DIS3L2: variants seen among roughly 807,000 people sequenced by gnomAD.
The protein encoded by DIS3L2 is DIS3-like exonuclease 2.
A neutral mutation model predicts 97.5 loss-of-function variants in DIS3L2; 34 were observed. That is an observed-to-expected ratio of 0.35 (90% CI 0.27 to 0.46). The LOEUF (loss-of-function observed/expected upper bound fraction) is 0.46. Ranked by LOEUF, DIS3L2 falls within the 20% of genes least tolerant of loss-of-function variation. The pLI is 1.00. For missense variants in DIS3L2, 1,038 were observed against 1,146.0 expected (o/e 0.91, Z 1.36); for synonymous variants, 435 against 445.2 (o/e 0.98, Z 0.29).
intron 5 of DIS3L2, among the ~76,000 whole-genome samples, chr2:232,086,598 T>C (rs1696629209): frequency 8.6e-6 from 1 of 116,444 alleles, no homozygotes; most frequent in East Asian, 2.3e-4. Context: ...TATATATATA[T>C]ATATGTGTGT....
intron 12 of DIS3L2, chr2:232,259,695 T>G (rs1559179354): frequency 6.6e-6 from 1 of 152,240 alleles, no homozygotes; most frequent in Non-Finnish European, 1.5e-5. Flanking sequence ...TTCGGCTCGC[T>G]GCAACCAACA....
chr2:232,122,343 A>C (rs934687868), intron 6 of DIS3L2, among the ~76,000 whole-genome samples: 4 of 152,186 alleles, frequency 2.6e-5, no homozygotes, highest in Non-Finnish European at 5.9e-5. Flanking sequence ...AATGTGACCT[A>C]TTTTGTAATG....
intron 4 of DIS3L2, among the ~76,000 whole-genome samples, chr2:232,025,719 C>T (rs1263333986): frequency 6.6e-6 from 1 of 152,096 alleles, no homozygotes; most frequent in Non-Finnish European, 1.5e-5. Flanking sequence ...TGCTCATAAG[C>T]TTAAATTTAC....
chr2:232,191,801 G>C (rs539791717), intron 9 of DIS3L2, among the ~76,000 whole-genome samples: 1 of 152,312 alleles, frequency 6.6e-6, no homozygotes, highest in East Asian at 1.9e-4. Context: ...CCTAGGATAG[G>C]AGTGTTCCCA....
intron 5 of DIS3L2, among the ~76,000 whole-genome samples, chr2:232,057,303 A>G (rs576409198): frequency 6.6e-6 from 1 of 152,312 alleles, no homozygotes; most frequent in Non-Finnish European, 1.5e-5. Flanking sequence ...CTCCTTAAAT[A>G]CACACACCAT....
intron 12 of DIS3L2, among the ~76,000 whole-genome samples, chr2:232,249,939 G>A (rs888585392): frequency 4.6e-5 from 7 of 152,200 alleles, no homozygotes; most frequent in Non-Finnish European, 7.3e-5. Flanking sequence ...CACAGACCAA[G>A]AACAGAGGAG....
chr2:232,138,353 TA>T (rs1698417638), intron 8 of DIS3L2, among the ~76,000 whole-genome samples: 1 of 152,150 alleles, frequency 6.6e-6, no homozygotes, highest in Non-Finnish European at 1.5e-5. Context: ...ATTTTCAAAA[TA>T]AAAAATGAAG....
Position 232,009,991 on chromosome 2 carries a change from G to A in DIS3L2, c.-93-4844G>A, listed in dbSNP as rs949295612. Among the ~76,000 whole-genome samples the A allele has an allele frequency of 3.3e-4, 50 of 152,178 alleles. 1 individual carries two copies. The highest frequency in any genetic ancestry group is 6.5e-5 in the Admixed American group (1 of 15,274). On this transcript the variant is annotated intron_variant, in intron 1 of 20. Coordinates refer to ENST00000325385, the MANE Select transcript of DIS3L2 (RefSeq NM_152383.5). Reference sequence around the variant, plus strand: ...GCTCCCTCTGGCAGTGGAGCTTCCTGTCATCACAGCTTGTCCTACCCTGGT... The same window carrying A: ...GCTCCCTCTGGCAGTGGAGCTTCCTATCATCACAGCTTGTCCTACCCTGGT...
chr2:232,186,698 A>G (rs1243959826), intron 9 of DIS3L2, among the ~76,000 whole-genome samples: 1 of 152,214 alleles, frequency 6.6e-6, no homozygotes, highest in Non-Finnish European at 1.5e-5. Flanking sequence ...TTCTATTGCT[A>G]TTACAGAAGT....
At chr2:232,303,356 T>C (rs1460705238) in intron 14 of DIS3L2, among the ~76,000 whole-genome samples, 1 of 152,204 alleles carries the variant, frequency 6.6e-6, no homozygotes, top group Non-Finnish European at 1.5e-5. Context: ...AATAGTGTTA[T>C]TTAGGAAATG....
At chr2:232,102,132 T>C (rs1697220908) in intron 6 of DIS3L2, among the ~76,000 whole-genome samples, 2 of 152,198 alleles carry the variant, frequency 1.3e-5, no homozygotes, top group African/African-American at 4.8e-5. Flanking sequence ...GAAGCATTCA[T>C]GCTAAAAATG....
intron 12 of DIS3L2, among the ~76,000 whole-genome samples, chr2:232,261,767 G>T (rs571644658): frequency 1.3e-5 from 2 of 152,230 alleles, no homozygotes; most frequent in South Asian, 4.2e-4. Flanking sequence ...CATCCAAGTG[G>T]CATTGGACAT....
intron 14 of DIS3L2, among the ~76,000 whole-genome samples, chr2:232,320,071 C>G (rs929800645): frequency 3.3e-5 from 5 of 150,964 alleles, no homozygotes; most frequent in Non-Finnish European, 7.4e-5. Flanking sequence ...TCCCCGCCCT[C>G]CACCCCACCC....
At chr2:232,145,074 G>A (rs1336419491) in intron 8 of DIS3L2, among the ~76,000 whole-genome samples, 1 of 152,126 alleles carries the variant, frequency 6.6e-6, no homozygotes, top group African/African-American at 2.4e-5. Context: ...TTGAGTCTGT[G>A]TAATATTCTG....
At chr2:232,244,650 T>C (rs1304873334) in intron 11 of DIS3L2, among the ~76,000 whole-genome samples, 1 of 152,144 alleles carries the variant, frequency 6.6e-6, no homozygotes, top group Non-Finnish European at 1.5e-5. Flanking sequence ...TGGGAGAAAT[T>C]GGCCAAAGGA....
At position 232,269,009 on chromosome 2, in the gene DIS3L2, C is replaced by T. The variant is rs577712177; in HGVS notation, c.1659+5569C>T. ...TTACAGGCAGGTCGCTTTAATTAGC[C>T]TGAAGCAAAAGGAGCAGGGGTTCTC... On this transcript the variant is annotated intron_variant, in intron 13 of 20. Transcript: ENST00000325385. The surrounding 1 kb of genome is among the most constrained non-coding windows in gnomAD (Gnocchi z 4.5). Among the ~76,000 whole-genome samples, 107 of 152,322 alleles carry T rather than the reference C, an allele frequency of 7.0e-4. No individual in the cohort carries two copies. Among genetic ancestry groups the T allele is most frequent in the Admixed American group, 6.8e-3 (104 of 15,302 alleles).
chr2:232,222,403 A>T (rs1692530063), intron 10 of DIS3L2, among the ~76,000 whole-genome samples: 1 of 152,162 alleles, frequency 6.6e-6, no homozygotes, highest in African/African-American at 2.4e-5. Context: ...GAGAAATGGG[A>T]AATTCTGTAG....
chr2:232,245,310 CT>C (rs1407132924), intron 11 of DIS3L2, among the ~76,000 whole-genome samples: 3 of 152,180 alleles, frequency 2.0e-5, no homozygotes, highest in Non-Finnish European at 4.4e-5. Context: ...GGGTCTCCCC[CT>C]GACATAATGG....
intron 6 of DIS3L2, among the ~76,000 whole-genome samples, chr2:232,115,729 C>T (rs1010932328): frequency 2.0e-5 from 3 of 152,184 alleles, no homozygotes; most frequent in African/African-American, 7.2e-5. Flanking sequence ...CTCTCTCCTG[C>T]TGCCTTGTGA....
Sources: allele counts gnomAD v4.1 joint callset (sites outside exome capture counted in the v4.1 genomes callset), GRCh38; gene constraint gnomAD v4.1.1; non-coding constraint Gnocchi (gnomAD v3.1); transcripts MANE v1.5; gene names NCBI Gene and HGNC (gene_info 2026-07-23, HGNC 2026-07-21).